Variants in MARCHF3 observed in about 807,000 individuals in gnomAD.
The protein encoded by MARCHF3 is E3 ubiquitin-protein ligase MARCHF3.
In MARCHF3, 13 loss-of-function variants were observed where a neutral mutation model predicts 24.2. The observed-to-expected ratio is 0.54, with a 90% confidence interval of 0.35 to 0.85. The LOEUF is 0.85. Among genes scored for constraint, MARCHF3 ranks in the 40% least tolerant of loss-of-function variants. The probability of loss-of-function intolerance (pLI) is 0.01; values close to 1 mark genes in which losing one functional copy is unlikely to be tolerated. For synonymous variants in MARCHF3, 144 were observed against 137.3 expected (o/e 1.05, Z -0.34); for missense variants, 276 against 325.0 (o/e 0.85, Z 1.16).
intron 1 of MARCHF3, among the ~76,000 whole-genome samples, chr5:126,923,162 G>GA (rs1198135710): frequency 6.6e-6 from 1 of 152,032 alleles, no homozygotes; most frequent in Non-Finnish European, 1.5e-5. Flanking sequence ...AATAAAAGTT[G>GA]AAAAAAGAAA....
At chr5:126,897,532 A>G (rs544210357) in intron 3 of MARCHF3, among the ~76,000 whole-genome samples, 1 of 152,250 alleles carries the variant, frequency 6.6e-6, no homozygotes, top group East Asian at 1.9e-4. Context: ...AATTAAATTA[A>G]TGGGCTTAAA....
chr5:127,015,150 C>T (rs537618474), intron 1 of MARCHF3, among the ~76,000 whole-genome samples: 14 of 152,216 alleles, frequency 9.2e-5, no homozygotes, highest in South Asian at 2.1e-4. Flanking sequence ...CTTTCAAATA[C>T]GGATGTATTT....
At chr5:126,981,351 C>G (rs926409317) in intron 1 of MARCHF3, among the ~76,000 whole-genome samples, 1 of 152,206 alleles carries the variant, frequency 6.6e-6, no homozygotes. Flanking sequence ...CAGGGATCAA[C>G]TAATCCAATC....
intron 1 of MARCHF3, among the ~76,000 whole-genome samples, chr5:126,943,833 C>A (rs62392904): frequency 0.25 from 37,043 of 151,094 alleles, 5,779 homozygotes; most frequent in South Asian, 0.42. Flanking sequence ...TTTTTGGATA[C>A]GGAGTCTCGC....
intron 1 of MARCHF3, among the ~76,000 whole-genome samples, chr5:127,001,619 C>A (rs1752129063): frequency 1.3e-5 from 2 of 152,192 alleles, no homozygotes; most frequent in Non-Finnish European, 2.9e-5. Flanking sequence ...TTTACTGCCA[C>A]CTTGAAATCA....
chr5:126,907,341 GT>G (rs1256415893), intron 3 of MARCHF3, among the ~76,000 whole-genome samples: 1 of 133,556 alleles, frequency 7.5e-6, no homozygotes, highest in Admixed American at 7.5e-5. Context: ...GGTCTGCTTG[GT>G]GCAGAGCTGA....
intron 3 of MARCHF3, among the ~76,000 whole-genome samples, chr5:126,910,702 T>C (rs936592301): frequency 6.6e-5 from 10 of 152,230 alleles, no homozygotes; most frequent in Admixed American, 6.5e-4. Context: ...CTGTGATGAT[T>C]GCATTAACTG....
At chr5:126,898,421 A>G (rs1753998635) in intron 3 of MARCHF3, among the ~76,000 whole-genome samples, 1 of 152,132 alleles carries the variant, frequency 6.6e-6, no homozygotes, top group Non-Finnish European at 1.5e-5. Flanking sequence ...AAAACAGCTG[A>G]CATAGGTATA....
intron 1 of MARCHF3, among the ~76,000 whole-genome samples, chr5:127,003,642 CG>C (rs1168267714): frequency 6.9e-6 from 1 of 145,384 alleles, no homozygotes; most frequent in African/African-American, 2.6e-5. Context: ...CCCAGCTACT[CG>C]GGAGGCTGAG....
At chr5:126,990,319 C>T (rs111348565) in intron 1 of MARCHF3, among the ~76,000 whole-genome samples, 1 of 151,942 alleles carries the variant, frequency 6.6e-6, no homozygotes, top group South Asian at 2.1e-4. Context: ...TGTAATAAAT[C>T]GTGCTGGGAA....
At chr5:127,008,790 G>C (rs1224202865) in intron 1 of MARCHF3, among the ~76,000 whole-genome samples, 1 of 152,074 alleles carries the variant, frequency 6.6e-6, no homozygotes, top group African/African-American at 2.4e-5. Flanking sequence ...GGCAGGCAAC[G>C]GGCCAGACAA....
At chr5:127,017,203 G>C (rs993548200) in intron 1 of MARCHF3, among the ~76,000 whole-genome samples, 1 of 152,092 alleles carries the variant, frequency 6.6e-6, no homozygotes, top group Non-Finnish European at 1.5e-5. Context: ...CATGGCACTT[G>C]TATACCTATG....
chr5:126,898,068 A>G (rs979822779), intron 3 of MARCHF3, among the ~76,000 whole-genome samples: 24 of 152,080 alleles, frequency 1.6e-4, no homozygotes, highest in African/African-American at 5.6e-4. Context: ...ACAGCTGGAG[A>G]GTGAAGGCTG....
intron 3 of MARCHF3, among the ~76,000 whole-genome samples, chr5:126,896,314 C>T (rs564893584): frequency 1.4e-4 from 21 of 152,192 alleles, no homozygotes; most frequent in African/African-American, 4.3e-4. Context: ...TGTTCCTATT[C>T]GGCCATCTTG....
chr5:126,965,811 A>G (rs944266967), intron 1 of MARCHF3, among the ~76,000 whole-genome samples: 9 of 152,214 alleles, frequency 5.9e-5, no homozygotes, highest in Non-Finnish European at 1.3e-4. Context: ...ACTGTCTGGG[A>G]AAGGAGTTTG....
intron 3 of MARCHF3, among the ~76,000 whole-genome samples, chr5:126,912,808 C>T (rs910568338): frequency 6.6e-6 from 1 of 152,254 alleles, no homozygotes; most frequent in African/African-American, 2.4e-5. Context: ...GATCAAACGG[C>T]CAGCCTCCCC....
intron 1 of MARCHF3, among the ~76,000 whole-genome samples, chr5:126,967,321 G>A (rs1750853053): frequency 6.6e-6 from 1 of 152,102 alleles, no homozygotes. Flanking sequence ...GTAAAAATAT[G>A]TGCGTGTCTG....
intron 4 of MARCHF3, among the ~76,000 whole-genome samples, chr5:126,874,167 A>G (rs1450010147): frequency 6.6e-6 from 1 of 152,214 alleles, no homozygotes; most frequent in Non-Finnish European, 1.5e-5. Context: ...CTAACCTCCT[A>G]TCATGGGCAA....
At chr5:127,030,286 G>C (rs942524990) in intron 1 of MARCHF3, 64 bp downstream of exon 1, 1 of 152,224 alleles carries the variant, frequency 6.6e-6, no homozygotes, top group African/African-American at 2.4e-5. Flanking sequence ...GACGCGTCCC[G>C]TCCCCTCTCG....
Sources: gnomAD v4.1 joint callset for allele counts (sites outside exome capture counted in the v4.1 genomes callset) on GRCh38, gnomAD v4.1.1 for gene constraint, MANE v1.5 for transcripts, NCBI Gene and HGNC (gene_info 2026-07-23, HGNC 2026-07-21) for gene names.